The following ELMOD1 variants were observed in gnomAD, a reference collection of about 807,000 sequenced individuals.
The protein encoded by ELMOD1 is ELMO domain containing 1.
In ELMOD1, 21 loss-of-function variants were observed where a neutral mutation model predicts 46.7. The ratio of observed to expected loss-of-function variants is 0.45; its 90% CI spans 0.32 to 0.65. The LOEUF is 0.65. ELMOD1 is among the 30% of genes least tolerant of loss of function. ELMOD1 has a pLI of 0.04. For synonymous variants in ELMOD1, 122 were observed against 138.2 expected (o/e 0.88, Z 0.82); for missense variants, 348 against 407.8 (o/e 0.85, Z 1.26).
At position 107,647,587 on chromosome 11, in the gene ELMOD1, A is replaced by G. The variant is rs1325693929; in HGVS notation, c.540A>G (p.Gly180=). 1 of 1,612,804 alleles carries G rather than the reference A, an allele frequency of 6.2e-7. No homozygotes were observed. The highest frequency in any genetic ancestry group is 1.7e-5 in the Admixed American group (1 of 59,862). Reference sequence around the variant, plus strand: ...ACTTTCGAGGAATGGGACTTCTGGGACTGTACAATTTGCAGTAAGTAAAAT... The same window carrying G: ...ACTTTCGAGGAATGGGACTTCTGGGGCTGTACAATTTGCAGTAAGTAAAAT... The part of the protein sequence containing the change: ...KTDFRGMGLL[G]LYNLQYFAER... Residue 180 remains glycine (G), a synonymous_variant, in exon 7 of 12, where the codon GGA becomes GGG. Coordinates refer to ENST00000265840, the MANE Select transcript of ELMOD1 (RefSeq NM_018712.4).
At chr11:107,614,067 G>A (rs1865821405) in intron 1 of ELMOD1, among the ~76,000 whole-genome samples, 1 of 152,136 alleles carries the variant, frequency 6.6e-6, no homozygotes, top group South Asian at 2.1e-4. Flanking sequence ...TGTCTATCCA[G>A]TTGCTGGCCA....
chr11:107,618,259 C>T, intron 2 of ELMOD1, 53 bp downstream of exon 2: 1 of 1,541,150 alleles, frequency 6.5e-7, no homozygotes, highest in East Asian at 2.4e-5. Flanking sequence ...GAAACCTCCT[C>T]ACTGGTTAGG....
intron 1 of ELMOD1, among the ~76,000 whole-genome samples, chr11:107,614,798 A>G (rs940735200): frequency 2.6e-5 from 4 of 151,938 alleles, no homozygotes; most frequent in Admixed American, 6.6e-5. Context: ...TGCCATCACT[A>G]TTTTTCCCAT....
Position 107,650,318 on chromosome 11 carries a change from T to C in ELMOD1, c.555-17T>C, listed in dbSNP as rs1645274002. Reference sequence around the variant, plus strand: ...AAGCAAGTATAGAGTTACGGTTTTCTTTCCCTCCCGCTGCAGGTATTTCGC... The same window carrying C: ...AAGCAAGTATAGAGTTACGGTTTTCCTTCCCTCCCGCTGCAGGTATTTCGC... On this transcript the variant is annotated splice_polypyrimidine_tract_variant and intron_variant, in intron 7 of 11. Transcript: ENST00000265840. The C allele has an allele frequency of 6.4e-7, 1 of 1,556,288 alleles. No homozygotes were observed. Among genetic ancestry groups the C allele is most frequent in the Non-Finnish European group, 8.7e-7 (1 of 1,146,122 alleles).
At chr11:107,616,890 G>T (rs1293915553) in intron 1 of ELMOD1, among the ~76,000 whole-genome samples, 3 of 152,150 alleles carry the variant, frequency 2.0e-5, no homozygotes, top group Non-Finnish European at 4.4e-5. Context: ...TGCCTTTATT[G>T]TTGAATGTAT....
intron 9 of ELMOD1, among the ~76,000 whole-genome samples, chr11:107,651,189 A>T (rs959399533): frequency 6.6e-6 from 1 of 152,194 alleles, no homozygotes; most frequent in Non-Finnish European, 1.5e-5. Flanking sequence ...ACACCTCACC[A>T]CACCTGTTCT....
chr11:107,663,069 C>A (rs563842723), intron 11 of ELMOD1, among the ~76,000 whole-genome samples: 116 of 152,148 alleles, frequency 7.6e-4, no homozygotes, highest in Admixed American at 3.5e-3. Flanking sequence ...ATCCAAGGAA[C>A]AAACCGTCAG....
intron 1 of ELMOD1, among the ~76,000 whole-genome samples, chr11:107,594,448 A>G (rs978605754): frequency 6.6e-6 from 1 of 152,144 alleles, no homozygotes; most frequent in African/African-American, 2.4e-5. Flanking sequence ...GAGAGAGCTG[A>G]AAAGGGACAA....
Position 107,634,825 on chromosome 11 carries a change from C to T in ELMOD1, c.291-811C>T, listed in dbSNP as rs73557765. On this transcript the variant is annotated intron_variant, in intron 5 of 11. Coordinates refer to ENST00000265840, the MANE Select transcript of ELMOD1 (RefSeq NM_018712.4). The stretch of plus-strand genomic sequence containing the variant: ...AATGAAGAAATAAGATTTCTCTTTT[C>T]CCTAGAGATTAGAAGACTCGCTATC... Among the ~76,000 whole-genome samples the T allele has an allele frequency of 9.3e-3, 1,422 of 152,214 alleles. 29 individuals carry two copies. The highest frequency in any genetic ancestry group is 0.033 in the African/African-American group (1,374 of 41,518).
Position 107,647,563 on chromosome 11 carries a change from C to T in ELMOD1, c.516C>T (p.Asp172=), listed in dbSNP as rs1357962269. Residue 172 remains aspartate, a synonymous_variant, in exon 7 of 12, where the codon GAC becomes GAT. Transcript: ENST00000265840. ...TCCAAGGTGATGATCCTAAAACAGA[C>T]TTTCGAGGAATGGGACTTCTGGGAC... is the stretch of plus-strand genomic sequence containing the variant. ...IGFQGDDPKT[D]FRGMGLLGLY... 6.2e-6 allele frequency: 10 copies of T among 1,613,372 alleles called. No individual in the cohort carries two copies. The highest frequency in any genetic ancestry group is 7.6e-6 in the Non-Finnish European group (9 of 1,179,710).
At chr11:107,610,998 CAAA>C (rs58417281) in intron 1 of ELMOD1, among the ~76,000 whole-genome samples, 3 of 95,792 alleles carry the variant, frequency 3.1e-5, no homozygotes, top group South Asian at 3.7e-4. Flanking sequence ...TGTAAGAATC[CAAA>C]AAAAAAAAAA....
chr11:107,609,652 G>C (rs1204199366), intron 1 of ELMOD1, among the ~76,000 whole-genome samples: 1 of 152,172 alleles, frequency 6.6e-6, no homozygotes, highest in Non-Finnish European at 1.5e-5. Context: ...GAGAGGATGA[G>C]TTTTCAGAAG....
intron 6 of ELMOD1, among the ~76,000 whole-genome samples, chr11:107,646,109 A>C (rs1866422300): frequency 6.6e-6 from 1 of 152,244 alleles, no homozygotes. Flanking sequence ...ACTTGTTTAC[A>C]TGCCCATCTC....
In ELMOD1 at chr11:107,632,450, T is replaced by A. The variant is rs552650905; in HGVS notation, c.290+773T>A. On this transcript the variant is annotated intron_variant, in intron 5 of 11. Transcript: ENST00000265840. Reference sequence around the variant, plus strand: ...TATTAATAATTACAGGAACTGTAGCTGAAGGGAATTTCAGAGCACACTTGC... The same window carrying A: ...TATTAATAATTACAGGAACTGTAGCAGAAGGGAATTTCAGAGCACACTTGC... 2.6e-5 allele frequency among the ~76,000 whole-genome samples: 4 copies of A among 152,350 alleles called. 1 individual carries two copies. The South Asian group carries it at 6.2e-4, about 24-fold the overall frequency.
At chr11:107,660,647 C>T (rs1866722904) in intron 11 of ELMOD1, among the ~76,000 whole-genome samples, 1 of 152,162 alleles carries the variant, frequency 6.6e-6, no homozygotes, top group Admixed American at 6.5e-5. Flanking sequence ...CCAGCTGTAC[C>T]TGTTATTGTA....
At position 107,648,159 on chromosome 11, in the gene ELMOD1, C is replaced by T. The variant is rs558243563; in HGVS notation, c.554+558C>T. Among the ~76,000 whole-genome samples, 24 of 152,234 alleles carry T rather than the reference C, an allele frequency of 1.6e-4. No individual in the cohort carries two copies. In the South Asian group the frequency reaches 2.1e-3, roughly 13 times the overall value. On this transcript the variant is annotated intron_variant, in intron 7 of 11. Coordinates refer to ENST00000265840, the MANE Select transcript of ELMOD1 (RefSeq NM_018712.4). ...CCAGTTCTCTCTAAAATACTTTTTACGGCTGGTTTGTCCTAGTGCACTTCC... is the reference window on the plus strand; with the variant it reads ...CCAGTTCTCTCTAAAATACTTTTTATGGCTGGTTTGTCCTAGTGCACTTCC...
intron 2 of ELMOD1, among the ~76,000 whole-genome samples, chr11:107,630,135 G>A (rs977954399): frequency 1.3e-5 from 2 of 152,178 alleles, no homozygotes; most frequent in Non-Finnish European, 2.9e-5. Flanking sequence ...TTACTTCCAA[G>A]ATGGTTTTAG....
chr11:107,650,854 T>A, intron 8 of ELMOD1, 31 bp from the exon 9 acceptor site: 1 of 1,086,750 alleles, frequency 9.2e-7, no homozygotes, highest in Non-Finnish European at 1.3e-6. Context: ...TTTCATTTAC[T>A]TTTCTAATTT....
At chr11:107,615,113 G>C (rs1006320436) in intron 1 of ELMOD1, among the ~76,000 whole-genome samples, 2 of 151,762 alleles carry the variant, frequency 1.3e-5, no homozygotes, top group African/African-American at 4.8e-5. Context: ...ACTATGTCTA[G>C]AGCGTAGCAG....
Sources: allele counts gnomAD v4.1 joint callset (sites outside exome capture counted in the v4.1 genomes callset), GRCh38; gene constraint gnomAD v4.1.1; transcripts MANE v1.5; gene names NCBI Gene and HGNC (gene_info 2026-07-23, HGNC 2026-07-21).